Variants in MEIS2 observed in about 807,000 individuals in gnomAD.
The protein encoded by MEIS2 is Meis homeobox 2.
MEIS2 carries 9 observed loss-of-function variants against 58.6 expected under a neutral mutation model. That is an observed-to-expected ratio of 0.15 (90% CI 0.09 to 0.27). The LOEUF is 0.27. MEIS2 is among the 10% of genes least tolerant of loss of function. The pLI, the probability that MEIS2 is intolerant of heterozygous loss-of-function variation, is 1.00. For synonymous variants in MEIS2, 221 were observed against 228.4 expected (o/e 0.97, Z 0.29); for missense variants, 427 against 635.0 (o/e 0.67, Z 3.52).
At chr15:36,997,212 T>G (rs1266924148) in intron 8 of MEIS2, among the ~76,000 whole-genome samples, 1 of 152,190 alleles carries the variant, frequency 6.6e-6, no homozygotes, top group Admixed American at 6.5e-5. Context: ...AATCAGAGAA[T>G]CTGATTAAAG....
At chr15:36,913,657 A>C (rs28500599) in intron 9 of MEIS2, among the ~76,000 whole-genome samples, 5 of 152,194 alleles carry the variant, frequency 3.3e-5, no homozygotes, top group African/African-American at 7.2e-5. Flanking sequence ...CATTGAATTT[A>C]CACACATATG....
In MEIS2 at chr15:37,036,850, T is replaced by C. The variant is rs898097816; in HGVS notation, c.864A>G (p.Thr288=). 1.9e-6 allele frequency: 3 copies of C among 1,614,142 alleles called. No homozygotes were observed. The highest frequency in any genetic ancestry group is 2.5e-6 in the Non-Finnish European group (3 of 1,180,014). ...GGAAGAGCCATGCTCTCATGATATT[T>C]GTTGCTACTTTGGGGAAAATGCCTC... ...KKRGIFPKVA[T]NIMRAWLFQH... Residue 288 remains threonine (T), a synonymous_variant, in exon 8 of 12, where the codon ACA becomes ACG. Coordinates refer to ENST00000561208, the MANE Select transcript of MEIS2 (RefSeq NM_170675.5).
chr15:36,915,387 A>G (rs1235112705), intron 9 of MEIS2, among the ~76,000 whole-genome samples: 1 of 152,170 alleles, frequency 6.6e-6, no homozygotes, highest in Non-Finnish European at 1.5e-5. Context: ...TGCTGATTTA[A>G]TTAACAGGAT....
chr15:36,900,099 T>C (rs1213095043), intron 9 of MEIS2, among the ~76,000 whole-genome samples: 2 of 152,256 alleles, frequency 1.3e-5, no homozygotes, highest in African/African-American at 4.8e-5. Flanking sequence ...GATTTCGAAG[T>C]TGCAGGCATA....
At chr15:36,898,975 T>C (rs2141231862) in intron 9 of MEIS2, among the ~76,000 whole-genome samples, 1 of 152,340 alleles carries the variant, frequency 6.6e-6, no homozygotes, top group Non-Finnish European at 1.5e-5. Flanking sequence ...GTTATGGCAA[T>C]GGCCTTTCTT....
In MEIS2 at chr15:36,912,376, G is replaced by T. The variant is rs146753633; in HGVS notation, c.978-15690C>A. 2.0e-3 allele frequency among the ~76,000 whole-genome samples: 309 copies of T among 152,324 alleles called. 1 individual carries two copies. Among genetic ancestry groups the T allele is most frequent in the African/African-American group, 7.2e-3 (300 of 41,580 alleles). On this transcript the variant is annotated intron_variant, in intron 9 of 11. Coordinates refer to ENST00000561208, the MANE Select transcript of MEIS2 (RefSeq NM_170675.5). ...TGTTGCATAATTGCTCTTATGGAAT[G>T]CTGCAGCTTAGAGCCGTAATGAGCT...
chr15:36,892,529 T>TAAAAAA, intron 11 of MEIS2, 70 bp from the exon 12 acceptor site: 1 of 994,178 alleles, frequency 1.0e-6, no homozygotes, highest in Non-Finnish European at 1.4e-6. Flanking sequence ...CCATCAAAGA[T>TAAAAAA]GAAAAGAAAA....
At chr15:36,906,351 G>C (rs2056735665) in intron 9 of MEIS2, among the ~76,000 whole-genome samples, 1 of 152,030 alleles carries the variant, frequency 6.6e-6, no homozygotes, top group South Asian at 2.1e-4. Flanking sequence ...AGGCAGAAGA[G>C]GGAAACAAAA....
Position 36,952,607 on chromosome 15 carries a change from C to G in MEIS2, c.901-2207G>C, listed in dbSNP as rs4924112. On this transcript the variant is annotated intron_variant, in intron 8 of 11. Coordinates refer to ENST00000561208, the MANE Select transcript of MEIS2 (RefSeq NM_170675.5). ...AGAGTCTGTCTGTCTGTCTCTCTCT[C>G]TGTGTGTGTGTGTGTGTGTGTGTGT... 2.8e-3 allele frequency among the ~76,000 whole-genome samples: 397 copies of G among 140,080 alleles called. 1 individual carries two copies. The highest frequency in any genetic ancestry group is 4.5e-3 in the Non-Finnish European group (295 of 64,866). The allele number at this position is 140,080 out of a possible 152,430, so 91.9% of individuals were successfully genotyped here. A position where few individuals can be genotyped will look rare whatever the true frequency, so the allele number is the denominator to read the frequency against.
At chr15:36,970,318 G>A (rs1386946894) in intron 8 of MEIS2, among the ~76,000 whole-genome samples, 3 of 151,566 alleles carry the variant, frequency 2.0e-5, no homozygotes, top group Admixed American at 1.3e-4. Context: ...GCAGGAGAAT[G>A]GCGTGAACCC....
chr15:36,993,013 A>T (rs2060352483), intron 8 of MEIS2, among the ~76,000 whole-genome samples: 3 of 152,184 alleles, frequency 2.0e-5, no homozygotes, highest in Admixed American at 2.0e-4. Flanking sequence ...AAATACCCTG[A>T]TTCCACCACT....
At chr15:37,025,673 T>G (rs2061677704) in intron 8 of MEIS2, among the ~76,000 whole-genome samples, 1 of 151,796 alleles carries the variant, frequency 6.6e-6, no homozygotes, top group South Asian at 2.1e-4. Flanking sequence ...ATGGGGGTAT[T>G]TGGAATAGCC....
At chr15:36,916,430 TAAA>T (rs58199968) in intron 9 of MEIS2, among the ~76,000 whole-genome samples, 4 of 121,512 alleles carry the variant, frequency 3.3e-5, no homozygotes, top group African/African-American at 3.1e-5. Context: ...CCATCTCAAT[TAAA>T]AAAAAAAAAA....
intron 8 of MEIS2, among the ~76,000 whole-genome samples, chr15:36,968,806 C>CAG (rs1170766560): frequency 1.3e-5 from 2 of 152,090 alleles, no homozygotes; most frequent in Non-Finnish European, 2.9e-5. Context: ...ATTATAGAAA[C>CAG]TGGGGGGTAA....
At chr15:37,010,467 G>A (rs1031689642) in intron 8 of MEIS2, among the ~76,000 whole-genome samples, 1 of 152,038 alleles carries the variant, frequency 6.6e-6, no homozygotes, top group Admixed American at 6.5e-5. Context: ...ACTGCAACCT[G>A]TGCCTCCTGG....
chr15:37,003,239 C>G (rs1250225070), intron 8 of MEIS2, among the ~76,000 whole-genome samples: 1 of 152,004 alleles, frequency 6.6e-6, no homozygotes, highest in African/African-American at 2.4e-5. Context: ...GCCATAGACT[C>G]TGTGTGATAC....
chr15:37,012,987 G>T (rs1378145494), intron 8 of MEIS2, among the ~76,000 whole-genome samples: 1 of 152,252 alleles, frequency 6.6e-6, no homozygotes, highest in East Asian at 1.9e-4. Flanking sequence ...TAAAAGGCAT[G>T]AAATTATTTA....
intron 9 of MEIS2, among the ~76,000 whole-genome samples, chr15:36,910,039 C>T (rs72708675): frequency 0.11 from 17,016 of 151,902 alleles, 987 homozygotes; most frequent in African/African-American, 0.13. Flanking sequence ...CCCATCTCTA[C>T]GAAAACCTTA....
chr15:36,999,384 A>G (rs1346245247), intron 8 of MEIS2, among the ~76,000 whole-genome samples: 1 of 152,204 alleles, frequency 6.6e-6, no homozygotes, highest in Non-Finnish European at 1.5e-5. Flanking sequence ...TTAGTGATCA[A>G]TGCTTCCTCT....
Sources: allele counts gnomAD v4.1 joint callset (sites outside exome capture counted in the v4.1 genomes callset), GRCh38; gene constraint gnomAD v4.1.1; transcripts MANE v1.5; gene names NCBI Gene and HGNC (gene_info 2026-07-23, HGNC 2026-07-21).